The following ZNF99 variants were observed in gnomAD, a reference collection of about 807,000 sequenced individuals.
The protein encoded by ZNF99 is zinc finger protein ENSP00000375192.
Under a neutral mutation model 12.8 loss-of-function variants are expected in ZNF99, and 8 were observed. The ratio of observed to expected loss-of-function variants is 0.62; its 90% CI spans 0.37 to 1.13. The LOEUF (loss-of-function observed/expected upper bound fraction) is 1.13, where lower values mean the gene tolerates loss of function less well. Ranked by LOEUF, ZNF99 falls within the 50% of genes most tolerant of loss-of-function variation. ZNF99 has a pLI of 0.02. For missense variants in ZNF99, 1,007 were observed against 1,006.2 expected (o/e 1.00, Z -0.01); for synonymous variants, 318 against 319.0 (o/e 1.00, Z 0.03).
rs1041534465 is a variant in ZNF99, at chr19:22,752,710, A to C, written c.*4604T>G. On this transcript the variant is annotated 3_prime_UTR_variant, in exon 4 of 4. Coordinates refer to ENST00000596209, the MANE Select transcript of ZNF99 (RefSeq NM_001080409.3). The stretch of plus-strand genomic sequence containing the variant: ...CTTCATTGAATGTACAACAGACTTA[A>C]CATGTCAAAAAATGTTTAAAAAATT... The C allele has an allele frequency of 1.3e-5, 2 of 152,176 alleles. No individual in the cohort carries two copies. Among genetic ancestry groups the C allele is most frequent in the African/African-American group, 4.8e-5 (2 of 41,454 alleles). The allele number at this position is 152,176 out of a possible 1,614,324, so 9.4% of individuals were successfully genotyped here. A position where few individuals can be genotyped will look rare whatever the true frequency, so the allele number is the denominator to read the frequency against.
At position 22,759,130 on chromosome 19, in the gene ZNF99, T is replaced by A. The variant is rs200818987; in HGVS notation, c.779A>T (p.Glu260Val). ...ATTGTTAAAAACTTTGCCACATTCT[T>A]CACATTTGCAGGGTTTCTTTCCAGT... ...IHTGKKPCKC[E>V]ECGKVFNNSS... Residue 260 changes from glutamate to valine, a missense_variant, in exon 4 of 4, where the codon GAA (glutamate) becomes GTA (valine). Glu to Val is a moderately radical substitution (Grantham distance 121). Coordinates refer to ENST00000596209, the MANE Select transcript of ZNF99 (RefSeq NM_001080409.3). 10 of 1,611,530 alleles carry A rather than the reference T, an allele frequency of 6.2e-6. No individual in the cohort carries two copies. The African/African-American group carries it at 1.3e-4, about 22-fold the overall frequency.
Position 22,768,314 on chromosome 19 carries a change from T to C in ZNF99, c.217A>G (p.Lys73Glu). The change falls in exon 3 of 4, where the codon AAA (lysine) becomes GAA (glutamate). Residue 73 changes from lysine (K) to glutamate (E), a missense_variant. Physicochemically the swap from Lys to Glu is moderately conservative, Grantham distance 56 (BLOSUM62 1). Coordinates refer to ENST00000596209, the MANE Select transcript of ZNF99 (RefSeq NM_001080409.3). ...ATTCACTCTCACATACCTGGGGGTT[T>C]AGTTACCATCTCATGTCTCTTCATA... is the stretch of plus-strand genomic sequence containing the variant. ...WNMKRHEMVT[K>E]PPVISSHFTQ... is the part of the protein sequence containing the mutation. The C allele has an allele frequency of 1.9e-6, 3 of 1,613,956 alleles. No homozygotes were observed. The highest frequency in any genetic ancestry group is 2.5e-6 in the Non-Finnish European group (3 of 1,179,896).
chr19:22,753,423 CAAAAA>C lies in ZNF99; in HGVS notation c.*3886_*3890del, dbSNP rs11311871. The C allele has an allele frequency of 4.0e-5, 6 of 151,542 alleles. No homozygotes were observed. The highest frequency in any genetic ancestry group is 1.5e-4 in the African/African-American group (6 of 41,244). The allele number at this position is 151,542 out of a possible 1,614,324, so 9.4% of individuals were successfully genotyped here. On this transcript the variant is annotated 3_prime_UTR_variant, in exon 4 of 4. Coordinates refer to ENST00000596209, the MANE Select transcript of ZNF99 (RefSeq NM_001080409.3). ...ATATTTTTCATATTTACTGCATCTA[CAAAAA>C]AAACTTACTCTGTTTTCTAAGCTGT... is the stretch of plus-strand genomic sequence containing the variant.
At chr19:22,779,300 C>A (rs918936675) in intron 1 of ZNF99, among the ~76,000 whole-genome samples, 4 of 151,940 alleles carry the variant, frequency 2.6e-5, no homozygotes, top group Non-Finnish European at 4.4e-5. Context: ...CTGAGGCAGG[C>A]GGATCAAAAG....
At chr19:22,783,039 G>A (rs1973407607) in intron 1 of ZNF99, among the ~76,000 whole-genome samples, 1 of 152,082 alleles carries the variant, frequency 6.6e-6, no homozygotes, top group South Asian at 2.1e-4. Context: ...CAGCACTCTG[G>A]GAGGCGGAGG....
chr19:22,781,940 T>C (rs1433218711), intron 1 of ZNF99, among the ~76,000 whole-genome samples: 1 of 151,568 alleles, frequency 6.6e-6, no homozygotes, highest in Admixed American at 6.6e-5. Context: ...CTAAAATCTG[T>C]GGAGCAAGGA....
chr19:22,756,350 G>A lies in ZNF99; in HGVS notation c.*964C>T. ...AGTAAGGTGTGAGGACTGGTTAAAG[G>A]CTTTGCCACATTCTTCACATTTGTA... On this transcript the variant is annotated 3_prime_UTR_variant, in exon 4 of 4. Coordinates refer to ENST00000596209, the MANE Select transcript of ZNF99 (RefSeq NM_001080409.3). 1 of 1,596,244 alleles carries A rather than the reference G, an allele frequency of 6.3e-7. No individual in the cohort carries two copies. Among genetic ancestry groups the A allele is most frequent in the Non-Finnish European group, 8.5e-7 (1 of 1,174,122 alleles).
chr19:22,757,657 T>C lies in ZNF99; in HGVS notation c.2252A>G (p.His751Arg), dbSNP rs374487196. ...TTTCTCTGCAGTATGAATTACCTTA[T>C]GTACAGTAAGTTTTGAGGACCACTT... Reference protein sequence around the residue: ...AFKWSSKLTVHKVIHTAEKPC... With the variant: ...AFKWSSKLTVRKVIHTAEKPC... The change falls in exon 4 of 4, where the codon CAT becomes CGT. Residue 751 changes from histidine to arginine, a missense_variant. Transcript: ENST00000596209. 228 of 1,612,024 alleles carry C rather than the reference T, an allele frequency of 1.4e-4. 3 individuals carry two copies. The South Asian group carries it at 2.3e-3, about 16-fold the overall frequency.
rs372711139 is a variant in ZNF99, at chr19:22,756,625, G to A, written c.*689C>T. The A allele has an allele frequency of 2.2e-5, 35 of 1,595,846 alleles. 2 individuals carry two copies. In the East Asian group the frequency reaches 3.2e-4, roughly 14 times the overall value. On this transcript the variant is annotated 3_prime_UTR_variant, in exon 4 of 4. Coordinates refer to ENST00000596209, the MANE Select transcript of ZNF99 (RefSeq NM_001080409.3). Reference sequence around the variant, plus strand: ...TTTGCCACATTCTTCACATTTGTACGGTTTCTCCCCAGTATGAATTATCTT... The same window carrying A: ...TTTGCCACATTCTTCACATTTGTACAGTTTCTCCCCAGTATGAATTATCTT...
chr19:22,769,235 A>T lies in ZNF99; in HGVS notation c.93T>A (p.Asn31Lys). The T allele has an allele frequency of 6.2e-7, 1 of 1,609,530 alleles. No individual in the cohort carries two copies. The highest frequency in any genetic ancestry group is 1.1e-5 in the South Asian group (1 of 90,952). ...GGTTTCTGTAGTTCTCTAACATAAC[A>T]TTCCTATATAAATTCTGCTGAGCCA... ...LDMAQQNLYRNVMLENYRNLV... is the reference protein window; with the variant it reads ...LDMAQQNLYRKVMLENYRNLV... The change falls in exon 2 of 4, where the codon AAT becomes AAA. Residue 31 changes from asparagine to lysine, a missense_variant. By Grantham distance (94) the Asn-to-Lys change is moderately conservative (BLOSUM62 0). Transcript: ENST00000596209.
Position 22,754,306 on chromosome 19 carries a change from G to A in ZNF99, c.*3008C>T. 2.3e-6 allele frequency: 1 copy of A among 428,554 alleles called. No individual in the cohort carries two copies. The highest frequency in any genetic ancestry group is 4.7e-6 in the Non-Finnish European group (1 of 213,696). The allele number at this position is 428,554 out of a possible 1,614,324, so 26.5% of individuals were successfully genotyped here. ...CGCTTGAACCCAGGAGGCGGAGGTT[G>A]CAATGAACTGAGATTGCACCATTGC... is the stretch of plus-strand genomic sequence containing the variant. On this transcript the variant is annotated 3_prime_UTR_variant, in exon 4 of 4. Coordinates refer to ENST00000596209, the MANE Select transcript of ZNF99 (RefSeq NM_001080409.3).
At chr19:22,771,399 G>T (rs979827772) in intron 1 of ZNF99, among the ~76,000 whole-genome samples, 2 of 151,068 alleles carry the variant, frequency 1.3e-5, no homozygotes, top group Non-Finnish European at 2.9e-5. Context: ...GGGACTACAG[G>T]TGCCCGCCAC....
At position 22,758,201 on chromosome 19, in the gene ZNF99, A is replaced by G; in HGVS notation, c.1708T>C (p.Cys570Arg). The change falls in exon 4 of 4, where the codon TGT (cysteine) becomes CGT (arginine). Residue 570 changes from cysteine (C) to arginine (R), a missense_variant. Coordinates refer to ENST00000596209, the MANE Select transcript of ZNF99 (RefSeq NM_001080409.3). ...TGKKPYKCEECGKAFKQSSHL... is the reference protein window; with the variant it reads ...TGKKPYKCEERGKAFKQSSHL... ...GAAGATTGCTTAAAAGCTTTGCCAC[A>G]TTCTTCACATTTGTATGGTTTCTTC... The G allele has an allele frequency of 6.2e-7, 1 of 1,613,748 alleles. No homozygotes were observed. Among genetic ancestry groups the G allele is most frequent in the African/African-American group, 1.3e-5 (1 of 75,002 alleles).
chr19:22,778,518 A>G (rs1973353285), intron 1 of ZNF99, among the ~76,000 whole-genome samples: 1 of 152,154 alleles, frequency 6.6e-6, no homozygotes, highest in African/African-American at 2.4e-5. Context: ...AAAGCCAGTC[A>G]CAAACCCCAT....
At chr19:22,774,794 C>T (rs145675529) in intron 1 of ZNF99, among the ~76,000 whole-genome samples, 2 of 152,082 alleles carry the variant, frequency 1.3e-5, no homozygotes, top group African/African-American at 4.8e-5. Context: ...AGCTTGAACC[C>T]GGAAGACAGA....
chr19:22,753,562 C>A lies in ZNF99; in HGVS notation c.*3752G>T, dbSNP rs1170289598. Reference sequence around the variant, plus strand: ...GCAACTTTAGGGTTTTTCTCTAGCACAAAATATGCACAATAAGATCTGTGA... The same window carrying A: ...GCAACTTTAGGGTTTTTCTCTAGCAAAAAATATGCACAATAAGATCTGTGA... On this transcript the variant is annotated 3_prime_UTR_variant, in exon 4 of 4. Coordinates refer to ENST00000596209, the MANE Select transcript of ZNF99 (RefSeq NM_001080409.3). 1.3e-5 allele frequency: 2 copies of A among 152,070 alleles called. No individual in the cohort carries two copies. Among genetic ancestry groups the A allele is most frequent in the Non-Finnish European group, 2.9e-5 (2 of 68,026 alleles). The allele number at this position is 152,070 out of a possible 1,614,324, so 9.4% of individuals were successfully genotyped here.
chr19:22,761,304 G>A (rs1033356536), intron 3 of ZNF99, among the ~76,000 whole-genome samples: 8 of 152,006 alleles, frequency 5.3e-5, no homozygotes, highest in African/African-American at 1.4e-4. Context: ...AGAGAATCCC[G>A]CAATATCATG....
In ZNF99 at chr19:22,757,960, T is replaced by C; in HGVS notation, c.1949A>G (p.Lys650Arg). The C allele has an allele frequency of 6.2e-7, 1 of 1,613,368 alleles. No homozygotes were observed. Among genetic ancestry groups the C allele is most frequent in the Non-Finnish European group, 8.5e-7 (1 of 1,179,698 alleles). ...EIIHTGEKPY[K>R]CEECGKAFKW... is the part of the protein sequence containing the mutation. ...AAAAGCTTTACCACATTCTTCACAT[T>C]TGTAGGGTTTCTCTCCAGTATGAAT... The change falls in exon 4 of 4, where the codon AAA becomes AGA. Residue 650 changes from lysine to arginine, a missense_variant. Lys to Arg is a conservative substitution (Grantham distance 26, BLOSUM62 2). Transcript: ENST00000596209.
intron 1 of ZNF99, among the ~76,000 whole-genome samples, chr19:22,782,920 G>A (rs1973405812): frequency 1.3e-5 from 2 of 151,758 alleles, no homozygotes; most frequent in Admixed American, 6.6e-5. Context: ...CACCCGCCTC[G>A]GCCTCCCAAA....
Sources: allele counts gnomAD v4.1 joint callset (sites outside exome capture counted in the v4.1 genomes callset), GRCh38; gene constraint gnomAD v4.1.1; transcripts MANE v1.5; gene names NCBI Gene and HGNC (gene_info 2026-07-23, HGNC 2026-07-21).